EFEMP1: variants seen among roughly 807,000 people sequenced by gnomAD.
EFEMP1 encodes the protein EGF-like fibulin extracellular matrix protein 1.
EFEMP1 carries 18 observed loss-of-function variants against 65.7 expected under a neutral mutation model. That is an observed-to-expected ratio of 0.27 (90% confidence interval 0.19 to 0.41). The LOEUF is 0.41. Ranked by LOEUF, EFEMP1 falls within the 10% of genes least tolerant of loss-of-function variation. The pLI, the probability that EFEMP1 is intolerant of heterozygous loss-of-function variation, is 1.00. For missense variants in EFEMP1, 469 were observed against 624.8 expected (o/e 0.75, Z 2.66); for synonymous variants, 237 against 219.7 (o/e 1.08, Z -0.70).
At chr2:55,905,399 A>G (rs1199878372) in intron 5 of EFEMP1, among the ~76,000 whole-genome samples, 1 of 152,190 alleles carries the variant, frequency 6.6e-6, no homozygotes, top group Non-Finnish European at 1.5e-5. Context: ...GGTAATGTGT[A>G]AAGTCTGCCT....
rs937811598 is a variant in EFEMP1, at chr2:55,919,375, T to C, written c.82-1108A>G. Among the ~76,000 whole-genome samples the C allele has an allele frequency of 2.6e-5, 4 of 152,094 alleles. No individual in the cohort carries two copies. The highest frequency in any genetic ancestry group is 9.7e-5 in the African/African-American group (4 of 41,410). On this transcript the variant is annotated intron_variant, in intron 3 of 11. Coordinates refer to ENST00000355426, the MANE Select transcript of EFEMP1 (RefSeq NM_001039348.3). The surrounding 1 kb of genome is among the most constrained non-coding windows in gnomAD (Gnocchi z 4.5). ...AGATTCCTGGGCCCACCCAAAGGAT[T>C]TGATTCTGTAGGTCTGGGTAGGGGG...
At position 55,885,351 on chromosome 2, in the gene EFEMP1, C is replaced by T. The variant is rs948757884; in HGVS notation, c.518-3617G>A. Reference sequence around the variant, plus strand: ...TCTGTGTGAGGAGCCTGGTGCAGTGCCTGGTTGAAGAGGATCATGAAATGC... The same window carrying T: ...TCTGTGTGAGGAGCCTGGTGCAGTGTCTGGTTGAAGAGGATCATGAAATGC... On this transcript the variant is annotated intron_variant, in intron 5 of 11. Transcript: ENST00000355426. The surrounding 1 kb of genome is among the most constrained non-coding windows in gnomAD (Gnocchi z 4.3). Among the ~76,000 whole-genome samples, 3 of 152,112 alleles carry T rather than the reference C, an allele frequency of 2.0e-5. No individual in the cohort carries two copies. Among genetic ancestry groups the T allele is most frequent in the African/African-American group, 7.2e-5 (3 of 41,406 alleles).
intron 5 of EFEMP1, among the ~76,000 whole-genome samples, chr2:55,882,434 T>C (rs1669273490): frequency 6.6e-6 from 1 of 152,196 alleles, no homozygotes; most frequent in South Asian, 2.1e-4. Flanking sequence ...CTTGGAATAA[T>C]TTACTAAATG....
chr2:55,898,292 GAAAC>G (rs1312667546), intron 5 of EFEMP1, among the ~76,000 whole-genome samples: 1 of 152,128 alleles, frequency 6.6e-6, no homozygotes, highest in African/African-American at 2.4e-5. Context: ...AATAATATTA[GAAAC>G]AAACTGTTCA....
chr2:55,869,317 T>A (rs1260584177), intron 11 of EFEMP1, among the ~76,000 whole-genome samples: 1 of 152,184 alleles, frequency 6.6e-6, no homozygotes. Context: ...TAATGTTATT[T>A]GTTTAGGCTA....
At chr2:55,893,316 A>G (rs572987727) in intron 5 of EFEMP1, among the ~76,000 whole-genome samples, 1 of 152,282 alleles carries the variant, frequency 6.6e-6, no homozygotes, top group South Asian at 2.1e-4. Flanking sequence ...ATAATTTATT[A>G]TACCAAGAAT....
intron 6 of EFEMP1, among the ~76,000 whole-genome samples, chr2:55,880,564 C>T (rs577224998): frequency 1.3e-5 from 2 of 152,320 alleles, no homozygotes; most frequent in South Asian, 4.1e-4. Context: ...GGCTGGGGCC[C>T]ACATGGAACT....
chr2:55,884,366 C>T (rs1669350457), intron 5 of EFEMP1, among the ~76,000 whole-genome samples: 1 of 152,186 alleles, frequency 6.6e-6, no homozygotes, highest in South Asian at 2.1e-4. Flanking sequence ...TTTTCTACTT[C>T]TATGCATTTC....
chr2:55,872,242 T>C (rs1245374711), intron 9 of EFEMP1, among the ~76,000 whole-genome samples: 1 of 152,170 alleles, frequency 6.6e-6, no homozygotes, highest in African/African-American at 2.4e-5. Context: ...ATAAGTAATT[T>C]ACTGAATCCT....
rs2104457941 is a variant in EFEMP1 at position 55,921,946 on chromosome 2, T to G, written c.81+414A>C. 1 of 226,296 alleles carries G rather than the reference T, an allele frequency of 4.4e-6. No homozygotes were observed. The highest frequency in any genetic ancestry group is 8.9e-6 in the Non-Finnish European group (1 of 111,848). 14.0% of individuals were successfully genotyped at this position (226,296 alleles called of 1,614,324 possible). ...TGTCATGTACACAAAGAAGGCCATGTGTCTTTATGGTGTTTAACGTTCTTA... is the reference window on the plus strand; with the variant it reads ...TGTCATGTACACAAAGAAGGCCATGGGTCTTTATGGTGTTTAACGTTCTTA... On this transcript the variant is annotated intron_variant, in intron 3 of 11. Transcript: ENST00000355426. The surrounding 1 kb of genome is among the most constrained non-coding windows in gnomAD (Gnocchi z 4.1).
chr2:55,892,688 T>A (rs766110195), intron 5 of EFEMP1, among the ~76,000 whole-genome samples: 2 of 152,144 alleles, frequency 1.3e-5, no homozygotes, highest in African/African-American at 2.4e-5. Flanking sequence ...AAAGAAAATC[T>A]GGTGGAGAAA....
At position 55,885,539 on chromosome 2, in the gene EFEMP1, C is replaced by T. The variant is rs1028064371; in HGVS notation, c.518-3805G>A. On this transcript the variant is annotated intron_variant, in intron 5 of 11. Coordinates refer to ENST00000355426, the MANE Select transcript of EFEMP1 (RefSeq NM_001039348.3). This position sits in a 1 kb window ranked among gnomAD's most constrained non-coding sequence, Gnocchi z 4.3. ...CTTCCTAAAATACCATAACACATTTCGTCATTCTAATACATTAACAATAGC... is the reference window on the plus strand; with the variant it reads ...CTTCCTAAAATACCATAACACATTTTGTCATTCTAATACATTAACAATAGC... Among the ~76,000 whole-genome samples the T allele has an allele frequency of 2.0e-5, 3 of 152,162 alleles. No homozygotes were observed. Among genetic ancestry groups the T allele is most frequent in the African/African-American group, 2.4e-5 (1 of 41,442 alleles).
chr2:55,911,815 T>G (rs951829102), intron 5 of EFEMP1, among the ~76,000 whole-genome samples: 12 of 152,144 alleles, frequency 7.9e-5, no homozygotes, highest in Admixed American at 7.2e-4. Flanking sequence ...ATGAAGCAAT[T>G]TTAAGAACAC....
chr2:55,915,804 TTAAA>T (rs1670655082), intron 5 of EFEMP1, among the ~76,000 whole-genome samples: 1 of 152,208 alleles, frequency 6.6e-6, no homozygotes, highest in African/African-American at 2.4e-5. Context: ...TTGGTCTATC[TTAAA>T]TAAACTCAAG....
intron 5 of EFEMP1, among the ~76,000 whole-genome samples, chr2:55,887,470 T>C (rs555536334): frequency 6.6e-6 from 1 of 152,298 alleles, no homozygotes; most frequent in South Asian, 2.1e-4. Flanking sequence ...CATTTTTTTG[T>C]CAAAGACTTT....
chr2:55,917,595 A>G lies in EFEMP1; in HGVS notation c.517+70T>C. 6.3e-7 allele frequency: 1 copy of G among 1,599,560 alleles called. No homozygotes were observed. Among genetic ancestry groups the G allele is most frequent in the Non-Finnish European group, 8.6e-7 (1 of 1,167,232 alleles). ...GCACGCGAGAAGTCCTTAATAAATT[A>G]TCATCATCCTCACCACGAGGTGCAC... is the stretch of plus-strand genomic sequence containing the variant. On this transcript the variant is annotated intron_variant, in intron 5 of 11. Transcript: ENST00000355426. The surrounding 1 kb of genome is among the most constrained non-coding windows in gnomAD (Gnocchi z 6.3).
In EFEMP1 at chr2:55,873,782, C is replaced by T. The variant is rs1312919118; in HGVS notation, c.1000+1164G>A. On this transcript the variant is annotated intron_variant, in intron 9 of 11. Coordinates refer to ENST00000355426, the MANE Select transcript of EFEMP1 (RefSeq NM_001039348.3). This position sits in a 1 kb window ranked among gnomAD's most constrained non-coding sequence, Gnocchi z 4.6. ...AAATTGTGTGCCTATTATAAAATCC[C>T]AGGTAATGGATTTCCTCTAAGTTAA... is the stretch of plus-strand genomic sequence containing the variant. 6.6e-6 allele frequency among the ~76,000 whole-genome samples: 1 copy of T among 151,942 alleles called. No homozygotes were observed. Among genetic ancestry groups the T allele is most frequent in the African/African-American group, 2.4e-5 (1 of 41,410 alleles).
chr2:55,866,895 C>A lies in EFEMP1; in HGVS notation c.*178G>T. The A allele has an allele frequency of 1.3e-6, 1 of 772,304 alleles. No individual in the cohort carries two copies. Among genetic ancestry groups the A allele is most frequent in the South Asian group, 1.9e-5 (1 of 53,424 alleles). The allele number at this position is 772,304 out of a possible 1,614,324, so 47.8% of individuals were successfully genotyped here. A position where few individuals can be genotyped will look rare whatever the true frequency, so the allele number is the denominator to read the frequency against. ...ATTTACATATAGTAATAAAGACAAA[C>A]TTTGAATCTTTACATATTAAATGCC... On this transcript the variant is annotated 3_prime_UTR_variant, in exon 12 of 12. Coordinates refer to ENST00000355426, the MANE Select transcript of EFEMP1 (RefSeq NM_001039348.3).
chr2:55,886,241 G>C lies in EFEMP1; in HGVS notation c.518-4507C>G, dbSNP rs550109395. Among the ~76,000 whole-genome samples, 4 of 152,270 alleles carry C rather than the reference G, an allele frequency of 2.6e-5. No homozygotes were observed. The highest frequency in any genetic ancestry group is 9.6e-5 in the African/African-American group (4 of 41,564). The stretch of plus-strand genomic sequence containing the variant: ...TTTGTTTCTCCATCTCTGAAATAGA[G>C]AGTCTATCCTCAACAATAACACACA... On this transcript the variant is annotated intron_variant, in intron 5 of 11. Transcript: ENST00000355426. The surrounding 1 kb of genome is among the most constrained non-coding windows in gnomAD (Gnocchi z 4.0).
Sources: gnomAD v4.1 joint callset for allele counts (sites outside exome capture counted in the v4.1 genomes callset) on GRCh38, gnomAD v4.1.1 for gene constraint, Gnocchi (gnomAD v3.1) non-coding constraint, MANE v1.5 for transcripts, NCBI Gene and HGNC (gene_info 2026-07-23, HGNC 2026-07-21) for gene names.